Variants in IL1RAPL1 observed in about 807,000 individuals in gnomAD.
IL1RAPL1 encodes interleukin 1 receptor accessory protein like 1.
A neutral mutation model predicts 48.4 loss-of-function variants in IL1RAPL1; 3 were observed. The observed-to-expected ratio is 0.06, with a 90% CI of 0.03 to 0.16. The LOEUF is 0.16. Among genes scored for constraint, IL1RAPL1 ranks in the 10% least tolerant of loss-of-function variants. IL1RAPL1 has a pLI of 1.00. For synonymous variants in IL1RAPL1, 185 were observed against 187.7 expected, an observed-to-expected ratio of 0.99 and a Z score of 0.12; for missense variants, 349 against 530.6, an observed-to-expected ratio of 0.66 and a Z score of 3.36.
intron 2 of IL1RAPL1, among the ~76,000 whole-genome samples, chrX:28,999,622 T>C (rs1344135175): frequency 8.9e-6 from 1 of 112,071 alleles, no homozygotes; most frequent in African/African-American, 3.2e-5. Flanking sequence ...ATATCTCTTA[T>C]CCTTTTGAAG....
chrX:29,885,287 C>G (rs943170068), intron 6 of IL1RAPL1, among the ~76,000 whole-genome samples: 16 of 112,278 alleles, frequency 1.4e-4, no homozygotes, highest in African/African-American at 4.5e-4. Flanking sequence ...ACCTATTCTA[C>G]TGCCAGCATT....
At chrX:29,246,488 G>C (rs1488681008) in intron 2 of IL1RAPL1, among the ~76,000 whole-genome samples, 1 of 110,675 alleles carries the variant, frequency 9.0e-6, no homozygotes, top group Non-Finnish European at 1.9e-5. Flanking sequence ...ATAACAGCCA[G>C]TATGGCTGCT....
chrX:29,078,920 C>T (rs1007177799), intron 2 of IL1RAPL1, among the ~76,000 whole-genome samples: 6 of 111,734 alleles, frequency 5.4e-5, no homozygotes, highest in Admixed American at 3.8e-4. Flanking sequence ...CAATACTTTC[C>T]ATAAAAATGA....
At chrX:29,782,676 T>C (rs139374320) in intron 6 of IL1RAPL1, among the ~76,000 whole-genome samples, 27 of 110,993 alleles carry the variant, frequency 2.4e-4, no homozygotes, top group Middle Eastern at 4.6e-3. Context: ...ATAGAAGTGG[T>C]CATTTAGCTG....
At chrX:29,546,651 C>T (rs908772368) in intron 5 of IL1RAPL1, among the ~76,000 whole-genome samples, 10 of 111,205 alleles carry the variant, frequency 9.0e-5, no homozygotes, top group Non-Finnish European at 1.3e-4. Flanking sequence ...TTCCCCTGAC[C>T]GCATGTCATC....
At chrX:28,966,764 T>C (rs1329764822) in intron 2 of IL1RAPL1, among the ~76,000 whole-genome samples, 2 of 112,152 alleles carry the variant, frequency 1.8e-5, no homozygotes, top group African/African-American at 6.5e-5. Context: ...CATTAAACTT[T>C]TACTGGAACA....
intron 1 of IL1RAPL1, among the ~76,000 whole-genome samples, chrX:28,603,468 A>G (rs1003238310): frequency 8.9e-6 from 1 of 111,928 alleles, no homozygotes; most frequent in Non-Finnish European, 1.9e-5. Flanking sequence ...TCTTAAAAAT[A>G]TATGCTCCCA....
At chrX:29,941,890 T>C in intron 9 of IL1RAPL1, 96 bp downstream of exon 9, 7 of 755,959 alleles carry the variant, frequency 9.3e-6, no homozygotes, top group Non-Finnish European at 1.0e-5. Flanking sequence ...GCATAATCAA[T>C]GGCAGCAGCT....
At chrX:28,748,520 G>A (rs1936004815) in intron 1 of IL1RAPL1, among the ~76,000 whole-genome samples, 1 of 111,634 alleles carries the variant, frequency 9.0e-6, no homozygotes, top group Non-Finnish European at 1.9e-5. Flanking sequence ...TTTTAAATTT[G>A]ATGGAACAAA....
chrX:28,746,728 G>C (rs999064203), intron 1 of IL1RAPL1, among the ~76,000 whole-genome samples: 1 of 111,578 alleles, frequency 9.0e-6, no homozygotes, highest in Non-Finnish European at 1.9e-5. Flanking sequence ...GTTGTAATAA[G>C]TAATTTATTA....
chrX:28,877,533 TATTCTAATATATG>T (rs1160443895), intron 2 of IL1RAPL1, among the ~76,000 whole-genome samples: 3 of 112,510 alleles, frequency 2.7e-5, no homozygotes, highest in Non-Finnish European at 5.6e-5. Context: ...TTATCATAGT[TATTCTAATATATG>T]ATTCACCAAA....
At chrX:29,695,883 A>G (rs1292216415) in intron 6 of IL1RAPL1, among the ~76,000 whole-genome samples, 1 of 111,432 alleles carries the variant, frequency 9.0e-6, no homozygotes, top group Non-Finnish European at 1.9e-5. Context: ...TGCTATTCTT[A>G]TTGCTAAATC....
At chrX:28,607,188 G>A (rs1488382827) in intron 1 of IL1RAPL1, among the ~76,000 whole-genome samples, 3 of 109,104 alleles carry the variant, frequency 2.7e-5, no homozygotes, top group Admixed American at 1.0e-4. Context: ...GAGAATTTAC[G>A]AATGTTTTAC....
intron 2 of IL1RAPL1, among the ~76,000 whole-genome samples, chrX:29,261,829 A>T (rs1034781095): frequency 4.5e-5 from 5 of 111,438 alleles, no homozygotes; most frequent in Non-Finnish European, 9.4e-5. Flanking sequence ...GATGACCTCA[A>T]TCTGAAGTGG....
intron 8 of IL1RAPL1, among the ~76,000 whole-genome samples, chrX:29,922,605 G>A (rs983401679): frequency 9.0e-6 from 1 of 111,495 alleles, no homozygotes; most frequent in South Asian, 3.8e-4. Flanking sequence ...CATCTTGGGG[G>A]GATAAAAAGG....
intron 3 of IL1RAPL1, among the ~76,000 whole-genome samples, chrX:29,390,512 A>T (rs1040471): frequency 0.12 from 13,350 of 111,113 alleles, 804 homozygotes; most frequent in African/African-American, 0.24. Context: ...ATTGCCAAAC[A>T]TTATGAAAAT....
At chrX:29,560,570 T>C (rs1239699658) in intron 5 of IL1RAPL1, among the ~76,000 whole-genome samples, 2 of 111,923 alleles carry the variant, frequency 1.8e-5, no homozygotes, top group Non-Finnish European at 3.8e-5. Flanking sequence ...TTTATTTCTA[T>C]GTTTGTTTCT....
chrX:28,823,402 A>G (rs1004682655), intron 2 of IL1RAPL1, among the ~76,000 whole-genome samples: 1 of 111,342 alleles, frequency 9.0e-6, no homozygotes, highest in African/African-American at 3.3e-5. Context: ...AACTATAGCT[A>G]TTATGGTACT....
intron 6 of IL1RAPL1, among the ~76,000 whole-genome samples, chrX:29,712,128 C>T (rs1380081937): frequency 2.8e-5 from 3 of 105,845 alleles, no homozygotes; most frequent in African/African-American, 6.8e-5. Flanking sequence ...TGACGTGAAA[C>T]TATAGGATTT....
Sources: gnomAD v4.1 joint callset for allele counts (sites outside exome capture counted in the v4.1 genomes callset) on GRCh38, gnomAD v4.1.1 for gene constraint, MANE v1.5 for transcripts, NCBI Gene and HGNC (gene_info 2026-07-23, HGNC 2026-07-21) for gene names.